Variants in PTDSS1 observed in about 807,000 individuals in gnomAD.
PTDSS1 encodes the protein phosphatidylserine synthase 1.
Under a neutral mutation model 70.5 loss-of-function variants are expected in PTDSS1, and 45 were observed. The ratio of observed to expected loss-of-function variants is 0.64; its 90% CI spans 0.50 to 0.82. The LOEUF is 0.82. Among genes scored for constraint, PTDSS1 ranks in the 40% least tolerant of loss-of-function variants. PTDSS1 has a pLI of 0.00. For missense variants in PTDSS1, 417 were observed against 586.1 expected (o/e 0.71, Z 2.98); for synonymous variants, 188 against 203.8 (o/e 0.92, Z 0.66).
intron 7 of PTDSS1, among the ~76,000 whole-genome samples, chr8:96,304,728 G>C (rs537804931): frequency 6.6e-5 from 10 of 152,170 alleles, no homozygotes; most frequent in Non-Finnish European, 7.4e-5. Context: ...GACAGCCCAG[G>C]GTCTTGGCAA....
chr8:96,274,066 A>C (rs1231319665), intron 2 of PTDSS1, among the ~76,000 whole-genome samples: 1 of 151,616 alleles, frequency 6.6e-6, no homozygotes, highest in Non-Finnish European at 1.5e-5. Context: ...ATTCCCTTTC[A>C]GTACCTTTCC....
chr8:96,282,114 C>T (rs1172668729), intron 2 of PTDSS1, among the ~76,000 whole-genome samples: 10 of 152,128 alleles, frequency 6.6e-5, no homozygotes, highest in South Asian at 4.1e-4. Context: ...AGAAAACTGA[C>T]GTCCCATTTT....
intron 10 of PTDSS1, among the ~76,000 whole-genome samples, chr8:96,323,018 T>C (rs1243884445): frequency 1.3e-5 from 2 of 152,078 alleles, no homozygotes; most frequent in Non-Finnish European, 2.9e-5. Context: ...AAGGGAGAAA[T>C]GGGCAAGAAA....
At chr8:96,296,652 T>C (rs1437145048) in intron 5 of PTDSS1, among the ~76,000 whole-genome samples, 1 of 152,204 alleles carries the variant, frequency 6.6e-6, no homozygotes, top group Non-Finnish European at 1.5e-5. Flanking sequence ...TCCATAATAG[T>C]GCCCAACACT....
At chr8:96,328,113 A>G (rs977668890) in intron 10 of PTDSS1, among the ~76,000 whole-genome samples, 1 of 150,740 alleles carries the variant, frequency 6.6e-6, no homozygotes, top group African/African-American at 2.4e-5. Flanking sequence ...GGCAGCTGCC[A>G]CTGCCTGTCA....
At chr8:96,269,133 G>T (rs989102763) in intron 1 of PTDSS1, among the ~76,000 whole-genome samples, 1 of 152,190 alleles carries the variant, frequency 6.6e-6, no homozygotes, top group Non-Finnish European at 1.5e-5. Context: ...GGAAGACTTT[G>T]CCTCCCTAAG....
intron 1 of PTDSS1, among the ~76,000 whole-genome samples, chr8:96,272,992 A>T (rs1353146545): frequency 6.6e-6 from 1 of 152,184 alleles, no homozygotes; most frequent in African/African-American, 2.4e-5. Flanking sequence ...CTGGGCAGAT[A>T]TTCAGTTGTT....
At chr8:96,306,886 A>T (rs1322872746) in intron 8 of PTDSS1, among the ~76,000 whole-genome samples, 4 of 152,248 alleles carry the variant, frequency 2.6e-5, no homozygotes, top group African/African-American at 9.6e-5. Context: ...TGAGTTTTTT[A>T]AAAATGAGAT....
chr8:96,325,207 G>A lies in PTDSS1; in HGVS notation c.1173+4862G>A, dbSNP rs548128261. On this transcript the variant is annotated intron_variant, in intron 10 of 12. Transcript: ENST00000517309. ...AAAGAAGTTCACTAACTTGCCCAAGGTCACATAGGTAGTTAAGTGGCAGAA... is the reference window on the plus strand; with the variant it reads ...AAAGAAGTTCACTAACTTGCCCAAGATCACATAGGTAGTTAAGTGGCAGAA... 2.4e-4 allele frequency among the ~76,000 whole-genome samples: 37 copies of A among 152,278 alleles called. No homozygotes were observed. In the East Asian group the frequency reaches 4.1e-3, roughly 17 times the overall value.
chr8:96,283,177 A>G (rs1223877792), intron 2 of PTDSS1, among the ~76,000 whole-genome samples: 1 of 152,218 alleles, frequency 6.6e-6, no homozygotes, highest in Non-Finnish European at 1.5e-5. Flanking sequence ...CAAGCCTGGC[A>G]TGATTGTCAC....
chr8:96,328,002 G>C (rs552162964), intron 10 of PTDSS1, among the ~76,000 whole-genome samples: 1 of 152,324 alleles, frequency 6.6e-6, no homozygotes, highest in East Asian at 1.9e-4. Context: ...TTGTACGCAG[G>C]TGAAGTAGAT....
At chr8:96,325,773 T>C (rs986714585) in intron 10 of PTDSS1, among the ~76,000 whole-genome samples, 5 of 152,118 alleles carry the variant, frequency 3.3e-5, no homozygotes, top group African/African-American at 1.2e-4. Context: ...AATAACACAA[T>C]CTTTTTCCCC....
chr8:96,282,604 C>A (rs13250086), intron 2 of PTDSS1, among the ~76,000 whole-genome samples: 34,304 of 152,086 alleles, frequency 0.23, 7,994 homozygotes, highest in African/African-American at 0.6. Flanking sequence ...GCCACCTAGG[C>A]ACTGATAGAT....
rs549256230 is a variant in PTDSS1, at chr8:96,304,020, G to C, written c.753-20G>C. The C allele has an allele frequency of 3.1e-6, 5 of 1,594,262 alleles. No homozygotes were observed. Among genetic ancestry groups the C allele is most frequent in the Non-Finnish European group, 4.3e-6 (5 of 1,173,246 alleles). On this transcript the variant is annotated intron_variant, in intron 6 of 12. Coordinates refer to ENST00000517309, the MANE Select transcript of PTDSS1 (RefSeq NM_014754.3). ...CTGCCTTATCTCTGGATTTTCACTG[G>C]AGCCATTCTCTTCTTACAGGGACAT...
At chr8:96,288,705 C>T (rs1810860263) in intron 4 of PTDSS1, among the ~76,000 whole-genome samples, 1 of 146,790 alleles carries the variant, frequency 6.8e-6, no homozygotes, top group Admixed American at 6.8e-5. Context: ...TCTCAGCTCA[C>T]TGCAACCTTG....
chr8:96,272,198 T>C (rs183270612), intron 1 of PTDSS1, among the ~76,000 whole-genome samples: 5 of 152,322 alleles, frequency 3.3e-5, no homozygotes, highest in Admixed American at 3.3e-4. Flanking sequence ...TTGTTACTGA[T>C]TTCTTTGCCA....
rs184112323 is a variant in PTDSS1, at chr8:96,309,373, C to T, written c.1008-184C>T. 4.2e-4 allele frequency: 208 copies of T among 500,768 alleles called. 1 individual carries two copies. Among genetic ancestry groups the T allele is most frequent in the South Asian group, 4.0e-4 (11 of 27,516 alleles). The allele number at this position is 500,768 out of a possible 1,614,324, so 31.0% of individuals were successfully genotyped here. A position where few individuals can be genotyped will look rare whatever the true frequency, so the allele number is the denominator to read the frequency against. ...TCCCCTGCCTCCAGCCTAACCCAAA[C>T]GCTGAATCTCTTACAGGAATGTTTT... On this transcript the variant is annotated intron_variant, in intron 8 of 12. Coordinates refer to ENST00000517309, the MANE Select transcript of PTDSS1 (RefSeq NM_014754.3).
intron 4 of PTDSS1, among the ~76,000 whole-genome samples, chr8:96,290,251 G>T (rs1464284940): frequency 2.0e-5 from 3 of 152,208 alleles, no homozygotes; most frequent in Non-Finnish European, 2.9e-5. Flanking sequence ...TTGGGAGAAA[G>T]ATACCCCAAG....
intron 10 of PTDSS1, 133 bp from the exon 11 acceptor site, chr8:96,330,080 C>T (rs1811491972): frequency 6.3e-6 from 5 of 795,766 alleles, no homozygotes; most frequent in Admixed American, 2.1e-5. Flanking sequence ...ATCTCTGCCA[C>T]GTCCAGCCGT....
Sources: gnomAD v4.1 joint callset for allele counts (sites outside exome capture counted in the v4.1 genomes callset) on GRCh38, gnomAD v4.1.1 for gene constraint, MANE v1.5 for transcripts, NCBI Gene and HGNC (gene_info 2026-07-23, HGNC 2026-07-21) for gene names.